Variants in GTF2I observed in about 807,000 individuals in gnomAD.
GTF2I encodes the protein general transcription factor IIi.
A neutral mutation model predicts 67.6 loss-of-function variants in GTF2I; 12 were observed. The ratio of observed to expected loss-of-function variants is 0.18; its 90% CI spans 0.11 to 0.29. GTF2I has a LOEUF of 0.29. GTF2I is among the 10% of genes least tolerant of loss of function. The pLI, the probability that GTF2I is intolerant of heterozygous loss-of-function variation, is 1.00. For synonymous variants in GTF2I, 149 were observed against 197.0 expected (o/e 0.76, Z 2.04); for missense variants, 271 against 580.1 (o/e 0.47, Z 5.47).
chr7:74,716,278 A>G (rs1792254849), intron 10 of GTF2I, among the ~76,000 whole-genome samples: 1 of 152,112 alleles, frequency 6.6e-6, no homozygotes, highest in Non-Finnish European at 1.5e-5. Context: ...CTAACTGATC[A>G]TTGCTTTATG....
intron 6 of GTF2I, among the ~76,000 whole-genome samples, chr7:74,703,504 C>T (rs1049597790): frequency 6.6e-6 from 1 of 152,040 alleles, no homozygotes; most frequent in African/African-American, 2.4e-5. Context: ...CTCAGCCTCC[C>T]GAGTAGCTGG....
Position 74,711,054 on chromosome 7 carries a change from T to C in GTF2I, c.708T>C (p.Ala236=), listed in dbSNP as rs111506941. The C allele has an allele frequency of 2.0e-5, 31 of 1,543,558 alleles. No individual in the cohort carries two copies. In the African/African-American group the frequency reaches 2.5e-4, roughly 12 times the overall value. The change falls in exon 9 of 35, where the codon GCT becomes GCC. Residue 236 remains alanine (A), a synonymous_variant. Transcript: ENST00000573035. ...EDSGISLEMA[A]VTVKEESEDP... The stretch of plus-strand genomic sequence containing the variant: ...TAGGCATTTCCCTGGAAATGGCAGC[T>C]GTGACAGTAAAGGAAGAATCAGAAG...
chr7:74,710,618 A>G (rs1174212477), intron 8 of GTF2I, among the ~76,000 whole-genome samples: 7 of 152,200 alleles, frequency 4.6e-5, no homozygotes, highest in Admixed American at 4.6e-4. Context: ...AAAAAAACCA[A>G]TGTATCTCAT....
At chr7:74,703,188 AT>A (rs1208298391) in intron 6 of GTF2I, among the ~76,000 whole-genome samples, 6 of 149,708 alleles carry the variant, frequency 4.0e-5, no homozygotes, top group East Asian at 3.9e-4. Context: ...TTAAAAAAAA[AT>A]TTTTTTTTTC....
At chr7:74,673,141 T>G (rs68008267) in intron 1 of GTF2I, among the ~76,000 whole-genome samples, 2 of 152,052 alleles carry the variant, frequency 1.3e-5, no homozygotes, top group Non-Finnish European at 2.9e-5. Flanking sequence ...ATTACAGGCC[T>G]GAGCCACTGC....
intron 1 of GTF2I, among the ~76,000 whole-genome samples, chr7:74,685,066 G>T (rs1167008891): frequency 1.3e-5 from 2 of 152,210 alleles, no homozygotes; most frequent in Admixed American, 6.5e-5. Flanking sequence ...AAATACAGTA[G>T]TGGCCTGCAA....
intron 9 of GTF2I, among the ~76,000 whole-genome samples, chr7:74,714,444 C>A (rs1370085312): frequency 1.3e-5 from 2 of 151,994 alleles, no homozygotes; most frequent in Non-Finnish European, 2.9e-5. Flanking sequence ...TTCAGTATGA[C>A]AAAAGAGTAA....
chr7:74,710,908 C>A (rs1025445299), intron 8 of GTF2I, 124 bp from the exon 9 acceptor site: 9 of 538,814 alleles, frequency 1.7e-5, no homozygotes, highest in Non-Finnish European at 3.0e-5. Flanking sequence ...TTTTCAAAGA[C>A]GTAAAGTCTT....
In GTF2I at chr7:74,706,417, A is replaced by G. The variant is rs782802810; in HGVS notation, c.669A>G (p.Glu223=). ...GSCGPIKVKT[E]PTEDSGISLE... The stretch of plus-strand genomic sequence containing the variant: ...GTGGCCCCATCAAAGTGAAAACTGA[A>G]CCCACAGAAGATTCTGGTATGTACT... The change falls in exon 8 of 35, where the codon GAA becomes GAG. Residue 223 remains glutamate (E), a synonymous_variant. Transcript: ENST00000573035. 2 of 1,613,352 alleles carry G rather than the reference A, an allele frequency of 1.2e-6. No individual in the cohort carries two copies. The highest frequency in any genetic ancestry group is 1.1e-5 in the South Asian group (1 of 91,040).
intron 10 of GTF2I, chr7:74,716,507 C>T (rs1277838891): frequency 6.3e-6 from 1 of 157,838 alleles, no homozygotes; most frequent in African/African-American, 2.4e-5. Flanking sequence ...AATTAAGTGT[C>T]TGATCACAGC....
chr7:74,714,884 A>T lies in GTF2I; in HGVS notation c.791A>T (p.Asp264Val). ...QAGPSETDDV[D>V]EKQPLSKPLQ... The stretch of plus-strand genomic sequence containing the variant: ...GGCCCTTCTGAAACTGATGATGTTG[A>T]TGAAAAACAGCCCCTATCGAAGCCT... Residue 264 changes from aspartate (D) to valine (V), a missense_variant, in exon 10 of 35, where the codon GAT becomes GTT. Physicochemically the swap from Asp to Val is radical, Grantham distance 152. This residue lies in a region of GTF2I where 124 missense variants were observed against 147.0 expected (regional missense o/e 0.84). Coordinates refer to ENST00000573035, the MANE Select transcript of GTF2I (RefSeq NM_032999.4). 6.2e-7 allele frequency: 1 copy of T among 1,607,944 alleles called. No homozygotes were observed. The highest frequency in any genetic ancestry group is 8.5e-7 in the Non-Finnish European group (1 of 1,176,264).
chr7:74,695,972 C>A (rs1788852427), intron 3 of GTF2I, among the ~76,000 whole-genome samples: 1 of 151,796 alleles, frequency 6.6e-6, no homozygotes, highest in Non-Finnish European at 1.5e-5. Context: ...CATCAGTATT[C>A]ATACTTTGTT....
intron 6 of GTF2I, 39 bp downstream of exon 6, chr7:74,700,673 T>TC: frequency 6.3e-7 from 1 of 1,581,100 alleles, no homozygotes; most frequent in Non-Finnish European, 8.7e-7. Flanking sequence ...CTGGCTGGCC[T>TC]CCGTTTTGCT....
chr7:74,685,929 T>C (rs1403174936), intron 1 of GTF2I, among the ~76,000 whole-genome samples: 1 of 152,052 alleles, frequency 6.6e-6, no homozygotes, highest in Non-Finnish European at 1.5e-5. Context: ...GGCGGGCGCC[T>C]GTAGTCCCAG....
intron 1 of GTF2I, among the ~76,000 whole-genome samples, chr7:74,670,550 T>C (rs1020992774): frequency 1.3e-5 from 2 of 151,952 alleles, no homozygotes; most frequent in East Asian, 3.9e-4. Flanking sequence ...TACAAAAAAT[T>C]AGCCAGGTGT....
intron 10 of GTF2I, among the ~76,000 whole-genome samples, chr7:74,715,572 C>G (rs1554403455): frequency 6.6e-6 from 1 of 152,046 alleles, no homozygotes. Context: ...CATCATTTCA[C>G]TCTCATTCCT....
intron 6 of GTF2I, among the ~76,000 whole-genome samples, 186 bp downstream of exon 6, chr7:74,700,820 T>C (rs974459993): frequency 1.3e-5 from 2 of 152,250 alleles, no homozygotes; most frequent in African/African-American, 4.8e-5. Context: ...ACTTGTTTTT[T>C]TGTTTTCAGC....
In GTF2I at chr7:74,698,962, T is replaced by C; in HGVS notation, c.240T>C (p.Cys80=). ...KDFQKDFVKY[C]VEEEEKAAEM... ...TTTTATTTTTTATTTTTTTTACAGG[T>C]GTTGAAGAAGAAGAAAAAGCTGCAG... is the stretch of plus-strand genomic sequence containing the variant. Residue 80 remains cysteine (C), a splice_region_variant and synonymous_variant, in exon 4 of 35, where the codon TGT becomes TGC. Transcript: ENST00000573035. The C allele has an allele frequency of 7.5e-7, 1 of 1,329,400 alleles. No homozygotes were observed. Among genetic ancestry groups the C allele is most frequent in the Non-Finnish European group, 1.0e-6 (1 of 1,002,982 alleles). The allele number at this position is 1,329,400 out of a possible 1,614,324, so 82.4% of individuals were successfully genotyped here.
At chr7:74,695,656 C>A (rs1048496198) in intron 3 of GTF2I, among the ~76,000 whole-genome samples, 1 of 151,852 alleles carries the variant, frequency 6.6e-6, no homozygotes, top group Non-Finnish European at 1.5e-5. Context: ...TGTATTCCTC[C>A]CCCTGTCCCT....
Sources: allele counts gnomAD v4.1 joint callset (sites outside exome capture counted in the v4.1 genomes callset), GRCh38; gene constraint gnomAD v4.1.1; regional missense constraint gnomAD v4.1.1; transcripts MANE v1.5; gene names NCBI Gene and HGNC (gene_info 2026-07-23, HGNC 2026-07-21).